SOS1: variants seen among roughly 807,000 people sequenced by gnomAD.
SOS1 encodes the protein SOS Ras/Rac guanine nucleotide exchange factor 1.
In SOS1, 25 loss-of-function variants were observed where a neutral mutation model predicts 157.6. The observed-to-expected ratio is 0.16, with a 90% CI of 0.12 to 0.22. The LOEUF (loss-of-function observed/expected upper bound fraction) is 0.22. Ranked by LOEUF, SOS1 falls within the 10% of genes least tolerant of loss-of-function variation. The probability of loss-of-function intolerance (pLI) is 1.00; values close to 1 mark genes in which losing one functional copy is unlikely to be tolerated. For synonymous variants in SOS1, 528 were observed against 534.0 expected, an observed-to-expected ratio of 0.99 and a Z score of 0.16; for missense variants, 1,237 against 1,599.1, an observed-to-expected ratio of 0.77 and a Z score of 3.86.
intron 10 of SOS1, among the ~76,000 whole-genome samples, chr2:39,019,838 G>GA (rs202123019): frequency 1.1e-4 from 16 of 150,428 alleles, no homozygotes; most frequent in East Asian, 9.7e-4. Flanking sequence ...CCTATTTCAA[G>GA]AAAAAAAAAT....
At chr2:39,040,513 A>G (rs941446086) in intron 6 of SOS1, among the ~76,000 whole-genome samples, 2 of 152,138 alleles carry the variant, frequency 1.3e-5, no homozygotes, top group Admixed American at 6.5e-5. Context: ...AACCCTTGGT[A>G]ACTTCTATTT....
intron 2 of SOS1, among the ~76,000 whole-genome samples, chr2:39,063,160 T>C (rs1671469819): frequency 6.6e-6 from 1 of 152,136 alleles, no homozygotes; most frequent in Non-Finnish European, 1.5e-5. Context: ...TCTCACTCTG[T>C]CACCCAGACT....
In SOS1 at chr2:38,985,571, T is replaced by G. The variant is rs1449835596; in HGVS notation, c.*253A>C. 4 of 462,436 alleles carry G rather than the reference T, an allele frequency of 8.6e-6. No individual in the cohort carries two copies. Among genetic ancestry groups the G allele is most frequent in the Non-Finnish European group, 1.6e-5 (4 of 251,928 alleles). 28.6% of individuals were successfully genotyped at this position (462,436 alleles called of 1,614,324 possible). Reference sequence around the variant, plus strand: ...ACTCCTGCCTATTGGCCAGAAAAAGTCCCTTTATGATTTTCAGGTGCAATC... The same window carrying G: ...ACTCCTGCCTATTGGCCAGAAAAAGGCCCTTTATGATTTTCAGGTGCAATC... On this transcript the variant is annotated 3_prime_UTR_variant, in exon 23 of 23. Coordinates refer to ENST00000402219, the MANE Select transcript of SOS1 (RefSeq NM_005633.4).
chr2:39,106,409 T>A (rs868035785), intron 1 of SOS1, among the ~76,000 whole-genome samples: 1 of 150,852 alleles, frequency 6.6e-6, no homozygotes, highest in Non-Finnish European at 1.5e-5. Flanking sequence ...GCTAAAACGG[T>A]GAAACCCCGT....
intron 8 of SOS1, among the ~76,000 whole-genome samples, chr2:39,034,449 T>C (rs1157836805): frequency 1.3e-5 from 2 of 152,216 alleles, no homozygotes; most frequent in African/African-American, 4.8e-5. Flanking sequence ...CAAATACTCA[T>C]TTGAAAGCTA....
chr2:39,056,277 C>T (rs1370309014), intron 4 of SOS1, among the ~76,000 whole-genome samples: 1 of 152,034 alleles, frequency 6.6e-6, no homozygotes, highest in African/African-American at 2.4e-5. Flanking sequence ...ATTAGCTAGG[C>T]ATGGTGGTGT....
At chr2:39,028,813 A>G (rs1670060768) in intron 8 of SOS1, among the ~76,000 whole-genome samples, 1 of 152,248 alleles carries the variant, frequency 6.6e-6, no homozygotes, top group African/African-American at 2.4e-5. Flanking sequence ...TTATATACAT[A>G]GAGCTCATCA....
intron 6 of SOS1, among the ~76,000 whole-genome samples, chr2:39,042,389 A>G (rs1156463706): frequency 1.3e-5 from 2 of 151,924 alleles, no homozygotes; most frequent in East Asian, 3.8e-4. Flanking sequence ...TTGTGAATCT[A>G]ATTTTATGTA....
intron 6 of SOS1, among the ~76,000 whole-genome samples, chr2:39,050,919 C>A (rs1437096864): frequency 1.3e-5 from 2 of 152,080 alleles, no homozygotes; most frequent in Non-Finnish European, 2.9e-5. Context: ...ATACCTCCCC[C>A]CTTGGCGGTA....
At chr2:39,070,027 G>A (rs1671743581) in intron 1 of SOS1, among the ~76,000 whole-genome samples, 1 of 152,104 alleles carries the variant, frequency 6.6e-6, no homozygotes, top group Admixed American at 6.5e-5. Flanking sequence ...ATAATAGACA[G>A]TGTGTACTAC....
upstream of SOS1, among the ~76,000 whole-genome samples, chr2:39,123,555 G>C (rs1042289560): frequency 6.6e-6 from 1 of 151,466 alleles, no homozygotes; most frequent in African/African-American, 2.4e-5. Flanking sequence ...GTGGGGTTTC[G>C]CTAGGTTGGC....
At chr2:39,004,142 G>A (rs1382389835) in intron 17 of SOS1, among the ~76,000 whole-genome samples, 1 of 152,100 alleles carries the variant, frequency 6.6e-6, no homozygotes, top group Non-Finnish European at 1.5e-5. Flanking sequence ...CTGGCCGGGT[G>A]CGGTGGCTCA....
chr2:38,983,045 A>G lies in SOS1; in HGVS notation c.*2779T>C, dbSNP rs1193026818. ...CAACCTTTAATTAAGCGAACTCTCA[A>G]TGTATGTTTCCTGATAATGTGTAGT... is the stretch of plus-strand genomic sequence containing the variant. On this transcript the variant is annotated 3_prime_UTR_variant, in exon 23 of 23. Transcript: ENST00000402219. 93 of 152,242 alleles carry G rather than the reference A, an allele frequency of 6.1e-4. No homozygotes were observed. Among genetic ancestry groups the G allele is most frequent in the African/African-American group, 2.4e-5 (1 of 41,550 alleles). 9.4% of individuals were successfully genotyped at this position (152,242 alleles called of 1,614,324 possible).
At chr2:38,999,707 C>T (rs980418119) in intron 17 of SOS1, among the ~76,000 whole-genome samples, 11 of 152,196 alleles carry the variant, frequency 7.2e-5, no homozygotes, top group Non-Finnish European at 1.6e-4. Flanking sequence ...CTGACAAACA[C>T]GTCCATAAGA....
At chr2:39,060,934 GA>G (rs5830556) in intron 2 of SOS1, among the ~76,000 whole-genome samples, 329 of 140,106 alleles carry the variant, frequency 2.3e-3, no homozygotes, top group Non-Finnish European at 2.9e-3. Context: ...ACATGTCTTT[GA>G]AAAAAAAAAA....
At chr2:39,086,959 CCCA>C (rs748204783) in intron 1 of SOS1, among the ~76,000 whole-genome samples, 2 of 151,954 alleles carry the variant, frequency 1.3e-5, no homozygotes, top group African/African-American at 4.8e-5. Flanking sequence ...ATTACAGGCG[CCCA>C]CCACCACATC....
At position 39,120,527 on chromosome 2, in the gene SOS1, G is replaced by A; in HGVS notation, c.-105C>T. The A allele has an allele frequency of 1.8e-6, 2 of 1,131,396 alleles. No homozygotes were observed. Among genetic ancestry groups the A allele is most frequent in the Non-Finnish European group, 2.2e-6 (2 of 924,838 alleles). The allele number at this position is 1,131,396 out of a possible 1,614,324, so 70.1% of individuals were successfully genotyped here. Reference sequence around the variant, plus strand: ...CGCGGAACAGGGCCGCGGCCCCACCGGACGGCCCGGCCCCCTCCGGGCGCC... The same window carrying A: ...CGCGGAACAGGGCCGCGGCCCCACCAGACGGCCCGGCCCCCTCCGGGCGCC... On this transcript the variant is annotated 5_prime_UTR_variant, in exon 1 of 23. Coordinates refer to ENST00000402219, the MANE Select transcript of SOS1 (RefSeq NM_005633.4).
At chr2:39,124,264 G>C (rs1390400067), upstream of SOS1, 2 of 152,346 alleles carry the variant, frequency 1.3e-5, no homozygotes, top group African/African-American at 4.8e-5. Context: ...AGACGTAAAA[G>C]TGTCGCCCAC....
intron 1 of SOS1, among the ~76,000 whole-genome samples, chr2:39,068,996 T>C (rs1671687120): frequency 6.6e-6 from 1 of 152,038 alleles, no homozygotes. Context: ...CCTGTCCTAC[T>C]ACACTTCATT....
Sources: allele counts gnomAD v4.1 joint callset (sites outside exome capture counted in the v4.1 genomes callset), GRCh38; gene constraint gnomAD v4.1.1; transcripts MANE v1.5; gene names NCBI Gene and HGNC (gene_info 2026-07-23, HGNC 2026-07-21).